Variants in ARHGAP26 observed in about 807,000 individuals in gnomAD.
ARHGAP26 encodes Rho GTPase activating protein 26, also known as rho GTPase-activating protein 26.
In ARHGAP26, 38 loss-of-function variants were observed where a neutral mutation model predicts 104.8. That is an observed-to-expected ratio of 0.36 (90% CI 0.28 to 0.48). ARHGAP26 has a LOEUF of 0.48. Among genes scored for constraint, ARHGAP26 ranks in the 20% least tolerant of loss-of-function variants. The pLI, the probability that ARHGAP26 is intolerant of heterozygous loss-of-function variation, is 0.99. For missense variants in ARHGAP26, 704 were observed against 947.9 expected, an observed-to-expected ratio of 0.74 and a Z score of 3.38; for synonymous variants, 341 against 340.0, an observed-to-expected ratio of 1.00 and a Z score of -0.03.
chr5:143,025,862 T>A (rs1780977328), intron 12 of ARHGAP26, among the ~76,000 whole-genome samples: 1 of 152,234 alleles, frequency 6.6e-6, no homozygotes, highest in Non-Finnish European at 1.5e-5. Flanking sequence ...CTGGTAGGTT[T>A]ATTCCCATCC....
At chr5:143,082,644 G>A (rs1297426877) in intron 17 of ARHGAP26, among the ~76,000 whole-genome samples, 5 of 152,202 alleles carry the variant, frequency 3.3e-5, no homozygotes, top group Non-Finnish European at 7.3e-5. Flanking sequence ...TCATGTTTCT[G>A]GCTGAGTCTT....
chr5:143,039,742 A>G (rs1293800500), intron 13 of ARHGAP26, among the ~76,000 whole-genome samples: 2 of 152,302 alleles, frequency 1.3e-5, no homozygotes, highest in South Asian at 2.1e-4. Context: ...AACTGTTCAC[A>G]GAGTCTGTAG....
chr5:142,959,566 G>T (rs778369201), intron 11 of ARHGAP26, among the ~76,000 whole-genome samples: 1 of 152,168 alleles, frequency 6.6e-6, no homozygotes, highest in Non-Finnish European at 1.5e-5. Flanking sequence ...TGGAGGCAGC[G>T]CCATGTTCCT....
intron 11 of ARHGAP26, among the ~76,000 whole-genome samples, chr5:142,990,591 G>A (rs1485984509): frequency 6.6e-6 from 1 of 152,158 alleles, no homozygotes; most frequent in African/African-American, 2.4e-5. Context: ...CATCTTTGTG[G>A]TTTTATCTAC....
chr5:143,133,947 T>G lies in ARHGAP26; in HGVS notation c.1699-20T>G. The G allele has an allele frequency of 6.2e-7, 1 of 1,600,288 alleles. No individual in the cohort carries two copies. The highest frequency in any genetic ancestry group is 1.1e-5 in the South Asian group (1 of 88,362). On this transcript the variant is annotated intron_variant, in intron 18 of 22. Coordinates refer to ENST00000645722, the MANE Select transcript of ARHGAP26 (RefSeq NM_001135608.3). ...CAGTCCACAGATGTGAGTAACCTTG[T>G]TGTGAAACTTCGTTTGCAGATATTT...
rs977434746 is a variant in ARHGAP26, at chr5:143,104,307, T to C, written c.1539-16681T>C. 5.9e-5 allele frequency among the ~76,000 whole-genome samples: 9 copies of C among 152,146 alleles called. No individual in the cohort carries two copies. The South Asian group carries it at 1.2e-3, about 21-fold the overall frequency. On this transcript the variant is annotated intron_variant, in intron 17 of 22. Transcript: ENST00000645722. ...GGTGGATCATTTGAGGTCAGGAGTT[T>C]GAGACCAGCCTGACCAACATGGTGA...
intron 10 of ARHGAP26, among the ~76,000 whole-genome samples, chr5:142,928,023 G>A (rs752703452): frequency 6.6e-6 from 1 of 152,044 alleles, no homozygotes; most frequent in Non-Finnish European, 1.5e-5. Context: ...TTACTCACTT[G>A]TAGGCATTCT....
intron 11 of ARHGAP26, among the ~76,000 whole-genome samples, chr5:142,967,714 G>A (rs1019219956): frequency 3.3e-5 from 5 of 152,264 alleles, no homozygotes; most frequent in African/African-American, 1.2e-4. Context: ...AGAACCAGAA[G>A]CATTTAGTTG....
chr5:142,914,777 T>C (rs545827511), intron 10 of ARHGAP26, among the ~76,000 whole-genome samples: 1 of 152,350 alleles, frequency 6.6e-6, no homozygotes, highest in Non-Finnish European at 1.5e-5. Context: ...TTGTTATTAC[T>C]GGTTTTAAAC....
chr5:143,095,433 A>T (rs541198308), intron 17 of ARHGAP26, among the ~76,000 whole-genome samples: 32 of 152,272 alleles, frequency 2.1e-4, no homozygotes, highest in Middle Eastern at 3.4e-3. Context: ...AAGGACTTCA[A>T]CAGCCTTTGT....
chr5:142,995,972 C>G (rs561217128), intron 11 of ARHGAP26, among the ~76,000 whole-genome samples: 1 of 152,016 alleles, frequency 6.6e-6, no homozygotes, highest in Non-Finnish European at 1.5e-5. Flanking sequence ...CTCCCACTCC[C>G]ATAAGTGGGA....
At chr5:142,916,127 G>C (rs1252114188) in intron 10 of ARHGAP26, among the ~76,000 whole-genome samples, 4 of 152,176 alleles carry the variant, frequency 2.6e-5, no homozygotes, top group Non-Finnish European at 5.9e-5. Flanking sequence ...TACTCCTGGA[G>C]TATGTTAACT....
intron 21 of ARHGAP26, among the ~76,000 whole-genome samples, chr5:143,209,988 G>C (rs1233839114): frequency 6.6e-6 from 1 of 152,140 alleles, no homozygotes; most frequent in Non-Finnish European, 1.5e-5. Context: ...AGAGCATGAA[G>C]CTTCAGATTT....
intron 12 of ARHGAP26, among the ~76,000 whole-genome samples, chr5:143,036,550 T>C (rs11960805): frequency 0.06 from 9,179 of 152,298 alleles, 629 homozygotes; most frequent in African/African-American, 0.16. Context: ...TTTTATTCTT[T>C]GTTCTATTTT....
chr5:142,872,348 A>G (rs1158089021), intron 1 of ARHGAP26, among the ~76,000 whole-genome samples: 1 of 152,008 alleles, frequency 6.6e-6, no homozygotes, highest in Non-Finnish European at 1.5e-5. Context: ...CACCACCCAT[A>G]TCTTATTAAA....
chr5:142,945,560 A>G (rs965655436), intron 11 of ARHGAP26, among the ~76,000 whole-genome samples: 1 of 152,148 alleles, frequency 6.6e-6, no homozygotes, highest in African/African-American at 2.4e-5. Flanking sequence ...AGAGTTCTCT[A>G]TTTTGTTTCC....
intron 18 of ARHGAP26, 127 bp downstream of exon 18, chr5:143,121,274 C>A: frequency 1.0e-6 from 1 of 991,668 alleles, no homozygotes; most frequent in Non-Finnish European, 1.4e-6. Flanking sequence ...GATGAAGTTG[C>A]TGGTGGTGGT....
At chr5:142,794,481 T>G (rs1760550895) in intron 1 of ARHGAP26, among the ~76,000 whole-genome samples, 1 of 152,244 alleles carries the variant, frequency 6.6e-6, no homozygotes, top group Non-Finnish European at 1.5e-5. Context: ...AGATATAGCA[T>G]GGTTGTTACC....
At chr5:142,778,596 G>C (rs77538363) in intron 1 of ARHGAP26, among the ~76,000 whole-genome samples, 2,008 of 152,296 alleles carry the variant, frequency 0.013, 43 homozygotes, top group African/African-American at 0.045. Flanking sequence ...ATATGCCATA[G>C]TTGGTATTTA....
Sources: gnomAD v4.1 joint callset for allele counts (sites outside exome capture counted in the v4.1 genomes callset) on GRCh38, gnomAD v4.1.1 for gene constraint, MANE v1.5 for transcripts, NCBI Gene and HGNC (gene_info 2026-07-23, HGNC 2026-07-21) for gene names.